Variants in STK3 observed in about 807,000 individuals in gnomAD.
STK3 encodes serine/threonine kinase 3, also known as serine/threonine-protein kinase 3.
In STK3, 41 loss-of-function variants were observed where a neutral mutation model predicts 58.0. The observed-to-expected ratio is 0.71, with a 90% CI of 0.55 to 0.92. The LOEUF (loss-of-function observed/expected upper bound fraction) is 0.92, where lower values mean the gene tolerates loss of function less well. Ranked by LOEUF, STK3 falls within the 40% of genes least tolerant of loss-of-function variation. The pLI is 0.00. For synonymous variants in STK3, 170 were observed against 191.0 expected (o/e 0.89, Z 0.91); for missense variants, 479 against 602.7 (o/e 0.79, Z 2.15).
At chr8:98,502,799 G>T (rs548549125) in intron 10 of STK3, among the ~76,000 whole-genome samples, 1 of 152,052 alleles carries the variant, frequency 6.6e-6, no homozygotes, top group Non-Finnish European at 1.5e-5. Flanking sequence ...TGCTGGATTC[G>T]GTTTCCCAGT....
chr8:98,510,490 CTAAT>C lies in STK3; in HGVS notation c.1317+16248_1317+16251del, dbSNP rs551023380. ...TTTTAAAACTGTAAATAAATCCTGA[CTAAT>C]TATGATTTATTCACAGCTGCTCTCA... On this transcript the variant is annotated intron_variant, in intron 10 of 10. Coordinates refer to ENST00000419617, the MANE Select transcript of STK3 (RefSeq NM_006281.4). Among the ~76,000 whole-genome samples, 63 of 151,968 alleles carry C rather than the reference CTAAT, an allele frequency of 4.1e-4. No individual in the cohort carries two copies. In the South Asian group the frequency reaches 0.013, roughly 32 times the overall value.
chr8:98,841,851 C>A, intron 3 of STK3, among the ~76,000 whole-genome samples: 1 of 152,140 alleles, frequency 6.6e-6, no homozygotes, highest in East Asian at 1.9e-4. Flanking sequence ...TCAGGAAAGA[C>A]AAAGTATCTT....
chr8:98,500,446 T>C (rs1386014661), intron 10 of STK3, among the ~76,000 whole-genome samples: 1 of 152,178 alleles, frequency 6.6e-6, no homozygotes, highest in East Asian at 1.9e-4. Context: ...ATGTGCCATG[T>C]TGGTTTGCTG....
chr8:98,612,080 A>C (rs1817241753), intron 6 of STK3, among the ~76,000 whole-genome samples: 1 of 149,464 alleles, frequency 6.7e-6, no homozygotes, highest in Admixed American at 6.7e-5. Flanking sequence ...ATTTATATAA[A>C]TATATATGTG....
chr8:98,760,660 C>A (rs1396890520), intron 3 of STK3, among the ~76,000 whole-genome samples: 1 of 152,044 alleles, frequency 6.6e-6, no homozygotes, highest in Non-Finnish European at 1.5e-5. Context: ...TTTTTTCCTT[C>A]CCCTATTTAA....
intron 4 of STK3, among the ~76,000 whole-genome samples, chr8:98,707,771 C>G (rs1037737645): frequency 1.3e-5 from 2 of 152,016 alleles, no homozygotes; most frequent in African/African-American, 2.4e-5. Flanking sequence ...TAATCGAGAA[C>G]CTCTTCTTCC....
intron 8 of STK3, among the ~76,000 whole-genome samples, chr8:98,548,510 C>T (rs955196897): frequency 3.9e-5 from 6 of 152,106 alleles, no homozygotes; most frequent in African/African-American, 1.2e-4. Flanking sequence ...AGACAGAACA[C>T]ATTGACACTT....
the STK3 span, among the ~76,000 whole-genome samples, chr8:98,364,459 G>A: frequency 6.6e-6 from 1 of 152,128 alleles, no homozygotes; most frequent in Non-Finnish European, 1.5e-5. Flanking sequence ...CTGTTTCCCC[G>A]GAGGCTGAGT....
In STK3 at chr8:98,428,828, C is replaced by T. The variant is rs766668861; in HGVS notation, n.483+5299G>A. The T allele has an allele frequency of 6.2e-7, 1 of 1,614,184 alleles. No individual in the cohort carries two copies. The highest frequency in any genetic ancestry group is 8.5e-7 in the Non-Finnish European group (1 of 1,180,044). ...TGGTGGTGAACCTGGTGGTGGAGAG[C>T]ACACCTACTTTAGCCAACTTGGGCA... is the stretch of plus-strand genomic sequence containing the variant. On this transcript the variant is annotated intron_variant and non_coding_transcript_variant, in intron 3 of 3. Transcript: ENST00000517832. This position sits in a 1 kb window ranked among gnomAD's most constrained non-coding sequence, Gnocchi z 6.7.
chr8:98,780,191 A>G (rs1479323363), intron 1 of STK3, among the ~76,000 whole-genome samples: 1 of 151,702 alleles, frequency 6.6e-6, no homozygotes, highest in Non-Finnish European at 1.5e-5. Context: ...ATATAAATAT[A>G]TATACATATA....
chr8:98,392,269 C>CA (rs578088877), upstream of STK3, among the ~76,000 whole-genome samples: 95 of 152,244 alleles, frequency 6.2e-4, 2 homozygotes, highest in South Asian at 0.019. Context: ...CATAAATGAA[C>CA]AAATAGATGA....
At chr8:98,425,978 C>A (rs1818228233) in intron 3 of STK3, among the ~76,000 whole-genome samples, 1 of 152,134 alleles carries the variant, frequency 6.6e-6, no homozygotes, top group South Asian at 2.1e-4. Context: ...GGAGGGGGCT[C>A]CCCAGGGACT....
chr8:98,455,703 TG>T lies in STK3; in HGVS notation c.*138del. The T allele has an allele frequency of 2.0e-6, 2 of 978,990 alleles. No homozygotes were observed. Among genetic ancestry groups the T allele is most frequent in the Non-Finnish European group, 3.0e-6 (2 of 672,452 alleles). 60.6% of individuals were successfully genotyped at this position (978,990 alleles called of 1,614,324 possible). A position where few individuals can be genotyped will look rare whatever the true frequency, so the allele number is the denominator to read the frequency against. On this transcript the variant is annotated 3_prime_UTR_variant, in exon 11 of 11. Coordinates refer to ENST00000419617, the MANE Select transcript of STK3 (RefSeq NM_006281.4). ...CAATTCTGCCTTTTGGGAATTTACC[TG>T]GGCATGTACCATTGTCACTTTTTGA...
chr8:98,363,830 AG>A, the STK3 span, among the ~76,000 whole-genome samples: 1 of 152,218 alleles, frequency 6.6e-6, no homozygotes, highest in East Asian at 1.9e-4. Context: ...TCACAGCCAG[AG>A]GAGGGCCTGA....
At chr8:98,619,693 C>T (rs1287712127) in intron 6 of STK3, among the ~76,000 whole-genome samples, 2 of 140,588 alleles carry the variant, frequency 1.4e-5, no homozygotes, top group African/African-American at 5.4e-5. Flanking sequence ...GACATTTATG[C>T]AGCCAAAAAA....
intron 4 of STK3, among the ~76,000 whole-genome samples, chr8:98,714,572 C>A (rs1252509393): frequency 6.6e-6 from 1 of 152,164 alleles, no homozygotes; most frequent in Non-Finnish European, 1.5e-5. Context: ...ATCCAACTTA[C>A]AAGGGACATG....
At chr8:98,458,414 G>A (rs1361489695) in intron 10 of STK3, among the ~76,000 whole-genome samples, 2 of 151,980 alleles carry the variant, frequency 1.3e-5, no homozygotes, top group African/African-American at 4.8e-5. Flanking sequence ...ATATTCCTAG[G>A]TAATTTATTG....
intron 6 of STK3, among the ~76,000 whole-genome samples, chr8:98,659,343 A>AC: frequency 6.6e-6 from 1 of 152,146 alleles, no homozygotes; most frequent in Non-Finnish European, 1.5e-5. Context: ...ATTTGGACTT[A>AC]ATAACACCTT....
intron 3 of STK3, among the ~76,000 whole-genome samples, chr8:98,858,351 G>GAC (rs1836783924): frequency 7.3e-6 from 1 of 137,342 alleles, no homozygotes; most frequent in Non-Finnish European, 1.6e-5. Context: ...GAGAGAGAGA[G>GAC]AGAGAGAGAC....
Sources: gnomAD v4.1 joint callset for allele counts (sites outside exome capture counted in the v4.1 genomes callset) on GRCh38, gnomAD v4.1.1 for gene constraint, Gnocchi (gnomAD v3.1) non-coding constraint, MANE v1.5 for transcripts, NCBI Gene and HGNC (gene_info 2026-07-23, HGNC 2026-07-21) for gene names.